Variants in KCNK2 observed in about 807,000 individuals in gnomAD.
KCNK2 encodes potassium channel subfamily K member 2.
Under a neutral mutation model 40.5 loss-of-function variants are expected in KCNK2, and 21 were observed. The ratio of observed to expected loss-of-function variants is 0.52; its 90% CI spans 0.37 to 0.75. The LOEUF (loss-of-function observed/expected upper bound fraction) is 0.75, where lower values mean the gene tolerates loss of function less well. Ranked by LOEUF, KCNK2 falls within the 30% of genes least tolerant of loss-of-function variation. The pLI, the probability that KCNK2 is intolerant of heterozygous loss-of-function variation, is 0.00. For missense variants in KCNK2, 399 were observed against 531.6 expected (o/e 0.75, Z 2.45); for synonymous variants, 191 against 202.2 (o/e 0.94, Z 0.47).
intron 6 of KCNK2, among the ~76,000 whole-genome samples, chr1:215,226,459 G>A (rs1666389993): frequency 6.6e-6 from 1 of 152,132 alleles, no homozygotes; most frequent in African/African-American, 2.4e-5. Flanking sequence ...CTGGGTAGCT[G>A]GGACTACAGG....
intron 6 of KCNK2, among the ~76,000 whole-genome samples, chr1:215,217,907 A>G (rs758756636): frequency 1.3e-5 from 2 of 152,206 alleles, no homozygotes; most frequent in African/African-American, 2.4e-5. Flanking sequence ...CTAGAGATAG[A>G]AAGATGAATA....
chr1:215,175,640 G>T (rs1303577621), intron 5 of KCNK2, among the ~76,000 whole-genome samples: 2 of 151,918 alleles, frequency 1.3e-5, no homozygotes, highest in East Asian at 3.9e-4. Flanking sequence ...TTCAACCCTT[G>T]CCCCCTTCCC....
chr1:215,165,982 C>T (rs538766054), intron 3 of KCNK2, among the ~76,000 whole-genome samples: 1 of 152,090 alleles, frequency 6.6e-6, no homozygotes, highest in East Asian at 1.9e-4. Context: ...ATTTTAGGCT[C>T]TAACGTAAAA....
chr1:215,217,386 T>C (rs946165736), intron 6 of KCNK2, among the ~76,000 whole-genome samples: 3 of 152,236 alleles, frequency 2.0e-5, no homozygotes, highest in Non-Finnish European at 2.9e-5. Context: ...AGTTTAAATA[T>C]GATAAAGATA....
At chr1:215,032,278 A>G (rs1657229068) in intron 1 of KCNK2, among the ~76,000 whole-genome samples, 1 of 151,838 alleles carries the variant, frequency 6.6e-6, no homozygotes, top group African/African-American at 2.4e-5. Context: ...GGTATGGTGG[A>G]ACATGTCTGT....
At chr1:215,095,927 A>T (rs1373362967) in intron 2 of KCNK2, among the ~76,000 whole-genome samples, 1 of 152,006 alleles carries the variant, frequency 6.6e-6, no homozygotes, top group Non-Finnish European at 1.5e-5. Context: ...TTTTGCTAAA[A>T]CGTGTGTGAC....
At chr1:215,131,111 C>T (rs187920988) in intron 3 of KCNK2, among the ~76,000 whole-genome samples, 104 of 151,394 alleles carry the variant, frequency 6.9e-4, no homozygotes, top group African/African-American at 2.3e-3. Flanking sequence ...CCGCCCGCCT[C>T]GGCCTCCCAA....
chr1:215,122,778 C>T (rs1376301421), intron 2 of KCNK2, among the ~76,000 whole-genome samples: 2 of 132,300 alleles, frequency 1.5e-5, no homozygotes, highest in South Asian at 5.2e-4. Flanking sequence ...TGGAGTCTCA[C>T]TCTGTCGCCC....
At chr1:215,061,605 C>CAGAA (rs1275548147) in intron 1 of KCNK2, among the ~76,000 whole-genome samples, 2 of 152,088 alleles carry the variant, frequency 1.3e-5, no homozygotes, top group East Asian at 3.8e-4. Context: ...AAAGAAACTT[C>CAGAA]TGATAGTCTG....
At chr1:215,209,457 A>AT (rs1665506625) in intron 6 of KCNK2, among the ~76,000 whole-genome samples, 1 of 24,130 alleles carries the variant, frequency 4.1e-5, no homozygotes, top group Non-Finnish European at 7.1e-5. Flanking sequence ...TATATATTAT[A>AT]TATTATATAT....
At chr1:215,063,272 G>A (rs975402120) in intron 1 of KCNK2, among the ~76,000 whole-genome samples, 2 of 152,196 alleles carry the variant, frequency 1.3e-5, no homozygotes, top group Non-Finnish European at 1.5e-5. Context: ...TTATCCCTAA[G>A]GCTGTGAGAA....
At chr1:215,105,647 A>G (rs1220739342) in intron 2 of KCNK2, among the ~76,000 whole-genome samples, 2 of 152,038 alleles carry the variant, frequency 1.3e-5, no homozygotes, top group African/African-American at 4.8e-5. Context: ...TTACAAGGGT[A>G]TATTGTATGA....
At chr1:215,140,753 G>A (rs1167951982) in intron 3 of KCNK2, among the ~76,000 whole-genome samples, 1 of 152,074 alleles carries the variant, frequency 6.6e-6, no homozygotes, top group East Asian at 1.9e-4. Context: ...GGACATTGGT[G>A]CACAATACTG....
chr1:215,019,816 G>T (rs1345687700), intron 1 of KCNK2, among the ~76,000 whole-genome samples: 1 of 152,118 alleles, frequency 6.6e-6, no homozygotes, highest in South Asian at 2.1e-4. Context: ...CATTCTAGCT[G>T]CCTTGCCTCT....
At chr1:215,190,395 T>C (rs1057475003) in intron 5 of KCNK2, among the ~76,000 whole-genome samples, 2 of 151,984 alleles carry the variant, frequency 1.3e-5, no homozygotes, top group African/African-American at 4.8e-5. Context: ...ATGAGCAAAA[T>C]AGGTTGGTGG....
chr1:215,115,644 A>G (rs1394482150), intron 2 of KCNK2, among the ~76,000 whole-genome samples: 1 of 152,000 alleles, frequency 6.6e-6, no homozygotes, highest in Non-Finnish European at 1.5e-5. Context: ...TACTAACTAA[A>G]CAACCTTGAT....
chr1:215,146,357 T>A (rs1194199694), intron 3 of KCNK2, among the ~76,000 whole-genome samples: 1 of 152,200 alleles, frequency 6.6e-6, no homozygotes, highest in African/African-American at 2.4e-5. Context: ...CATAAGAAAC[T>A]TGTAACTTCC....
At position 215,130,412 on chromosome 1, in the gene KCNK2, A is replaced by G. The variant is rs190438952; in HGVS notation, c.475+5662A>G. 1.3e-4 allele frequency among the ~76,000 whole-genome samples: 20 copies of G among 152,318 alleles called. No individual in the cohort carries two copies. The East Asian group carries it at 2.9e-3, about 22-fold the overall frequency. Reference sequence around the variant, plus strand: ...TATATCCTTTATGATAGACAGCATTAGTAAGGAAAATGCTTTCCAGAGTTC... The same window carrying G: ...TATATCCTTTATGATAGACAGCATTGGTAAGGAAAATGCTTTCCAGAGTTC... On this transcript the variant is annotated intron_variant, in intron 3 of 6. Coordinates refer to ENST00000444842, the MANE Select transcript of KCNK2 (RefSeq NM_001017425.3).
chr1:215,137,634 T>C (rs1430851837), intron 3 of KCNK2, among the ~76,000 whole-genome samples: 1 of 152,218 alleles, frequency 6.6e-6, no homozygotes, highest in Non-Finnish European at 1.5e-5. Context: ...GACCAGGTCA[T>C]TGAACTTTTC....
Sources: gnomAD v4.1 joint callset for allele counts (sites outside exome capture counted in the v4.1 genomes callset) on GRCh38, gnomAD v4.1.1 for gene constraint, MANE v1.5 for transcripts, NCBI Gene and HGNC (gene_info 2026-07-23, HGNC 2026-07-21) for gene names.